Variants in FAM167A observed in about 807,000 individuals in gnomAD.
The protein encoded by FAM167A is protein FAM167A.
A neutral mutation model predicts 14.9 loss-of-function variants in FAM167A; 23 were observed. The ratio of observed to expected loss-of-function variants is 1.55; its 90% CI spans 1.11 to 2.19. The LOEUF (loss-of-function observed/expected upper bound fraction) is 2.19, where lower values mean the gene tolerates loss of function less well. Among genes scored for constraint, FAM167A ranks in the 30% most tolerant of loss-of-function variants. The pLI is 0.00. For synonymous variants in FAM167A, 174 were observed against 117.7 expected (o/e 1.48, Z -3.10); for missense variants, 401 against 281.5 (o/e 1.42, Z -3.04).
intron 2 of FAM167A, among the ~76,000 whole-genome samples, chr8:11,437,181 G>C (rs1253426762): frequency 3.3e-5 from 5 of 152,186 alleles, no homozygotes; most frequent in African/African-American, 1.2e-4. Flanking sequence ...GCAGGGCTTT[G>C]AGGTCGGGCA....
intron 2 of FAM167A, among the ~76,000 whole-genome samples, chr8:11,442,765 T>A (rs1219387964): frequency 6.6e-6 from 1 of 151,452 alleles, no homozygotes; most frequent in African/African-American, 2.4e-5. Context: ...TGCCTCATCT[T>A]CTCCGAAGCC....
rs1287973968 is a variant in FAM167A at position 11,422,364 on chromosome 8, GTGTGT to G, written c.*2004_*2008del. ...ATGGCATGTTCTCTGTCGTGTGTGTGTGTGTGGGGGTGTGTGTGTGTGTGTGTGTG... is the reference window on the plus strand; with the variant it reads ...ATGGCATGTTCTCTGTCGTGTGTGTGGGGGGTGTGTGTGTGTGTGTGTGTG... On this transcript the variant is annotated 3_prime_UTR_variant, in exon 3 of 3. Coordinates refer to ENST00000284486, the MANE Select transcript of FAM167A (RefSeq NM_053279.3). The G allele has an allele frequency of 9.0e-6, 1 of 110,542 alleles. No individual in the cohort carries two copies. Among genetic ancestry groups the G allele is most frequent in the East Asian group, 2.0e-4 (1 of 5,054 alleles). The allele number at this position is 110,542 out of a possible 1,614,324, so 6.8% of individuals were successfully genotyped here. A position where few individuals can be genotyped will look rare whatever the true frequency, so the allele number is the denominator to read the frequency against.
rs373163425 is a variant in FAM167A at position 11,422,240 on chromosome 8, G to A, written c.*2133C>T. On this transcript the variant is annotated 3_prime_UTR_variant, in exon 3 of 3. Coordinates refer to ENST00000284486, the MANE Select transcript of FAM167A (RefSeq NM_053279.3). ...CATTTTCGCTGAACCCAATGGTTTC[G>A]GTTACTGTAATGACTGATTTCCAAA... 6.1e-5 allele frequency: 10 copies of A among 162,692 alleles called. No homozygotes were observed. Among genetic ancestry groups the A allele is most frequent in the African/African-American group, 7.2e-5 (3 of 41,852 alleles). 10.1% of individuals were successfully genotyped at this position (162,692 alleles called of 1,614,324 possible).
chr8:11,454,241 G>C (rs114927353), intron 1 of FAM167A, among the ~76,000 whole-genome samples: 1 of 152,214 alleles, frequency 6.6e-6, no homozygotes, highest in African/African-American at 2.4e-5. Context: ...GGAGGCCCAC[G>C]TGTGTGTGCA....
Position 11,452,079 on chromosome 8 carries a change from C to T in FAM167A, c.-397-7271G>A, listed in dbSNP as rs150465254. Among the ~76,000 whole-genome samples, 24 of 152,306 alleles carry T rather than the reference C, an allele frequency of 1.6e-4. No individual in the cohort carries two copies. The East Asian group carries it at 1.7e-3, about 11-fold the overall frequency. On this transcript the variant is annotated intron_variant, in intron 1 of 2. Coordinates refer to ENST00000284486, the MANE Select transcript of FAM167A (RefSeq NM_053279.3). Reference sequence around the variant, plus strand: ...AAAGGCTCCCTCTGCCACCATTCCACGTGTCCCTTGGTGGTGGGGGGCAGG... The same window carrying T: ...AAAGGCTCCCTCTGCCACCATTCCATGTGTCCCTTGGTGGTGGGGGGCAGG...
At chr8:11,464,435 A>G (rs1212236115) in intron 1 of FAM167A, among the ~76,000 whole-genome samples, 1 of 151,718 alleles carries the variant, frequency 6.6e-6, no homozygotes, top group Non-Finnish European at 1.5e-5. Context: ...ACCCTGTCCC[A>G]TCCTTCCTGC....
At chr8:11,466,921 C>T (rs999808821), upstream of FAM167A, among the ~76,000 whole-genome samples, 1 of 152,222 alleles carries the variant, frequency 6.6e-6, no homozygotes, top group Non-Finnish European at 1.5e-5. Flanking sequence ...GTCGGTTCAC[C>T]GGCCCGGGCA....
chr8:11,462,443 G>A (rs1387741668), intron 1 of FAM167A, among the ~76,000 whole-genome samples: 3 of 152,118 alleles, frequency 2.0e-5, no homozygotes, highest in Non-Finnish European at 4.4e-5. Flanking sequence ...CCTCTAATAC[G>A]ACTGTCACCT....
chr8:11,437,303 G>T (rs1806090045), intron 2 of FAM167A, among the ~76,000 whole-genome samples: 1 of 152,180 alleles, frequency 6.6e-6, no homozygotes, highest in African/African-American at 2.4e-5. Context: ...AAAGATTGCT[G>T]TGGCTACTGA....
intron 2 of FAM167A, among the ~76,000 whole-genome samples, chr8:11,430,148 C>A (rs933697170): frequency 6.6e-6 from 1 of 152,204 alleles, no homozygotes; most frequent in Non-Finnish European, 1.5e-5. Flanking sequence ...CCGCTCCCAG[C>A]GTGGCCTGGT....
chr8:11,473,330 G>T (rs567265525), intron 1 of FAM167A, among the ~76,000 whole-genome samples: 13 of 152,312 alleles, frequency 8.5e-5, no homozygotes, highest in African/African-American at 3.1e-4. Context: ...CTGTCATCAG[G>T]AAGGCCGAGA....
chr8:11,449,689 G>C (rs921842778), intron 1 of FAM167A, among the ~76,000 whole-genome samples: 1 of 152,222 alleles, frequency 6.6e-6, no homozygotes, highest in African/African-American at 2.4e-5. Context: ...AAGCCCTTGG[G>C]GGGGCGCGTC....
At chr8:11,424,945 GGAGTAA>G (rs1287606122) in intron 2 of FAM167A, among the ~76,000 whole-genome samples, 3 of 152,162 alleles carry the variant, frequency 2.0e-5, no homozygotes, top group Non-Finnish European at 2.9e-5. Context: ...TCATTTAGAT[GGAGTAA>G]GAGTATAAAG....
At chr8:11,439,609 G>A (rs1806303846) in intron 2 of FAM167A, among the ~76,000 whole-genome samples, 1 of 152,196 alleles carries the variant, frequency 6.6e-6, no homozygotes, top group African/African-American at 2.4e-5. Context: ...TTGGTGCGGG[G>A]GGAGGGAGGA....
In FAM167A at chr8:11,444,471, G is replaced by A; in HGVS notation, c.-60C>T. 1.3e-6 allele frequency: 2 copies of A among 1,503,912 alleles called. No individual in the cohort carries two copies. Among genetic ancestry groups the A allele is most frequent in the Non-Finnish European group, 1.8e-6 (2 of 1,129,804 alleles). 93.2% of individuals were successfully genotyped at this position (1,503,912 alleles called of 1,614,324 possible). A position where few individuals can be genotyped will look rare whatever the true frequency, so the allele number is the denominator to read the frequency against. On this transcript the variant is annotated 5_prime_UTR_variant, in exon 2 of 3. Transcript: ENST00000284486. ...GCACGGGGGGCGCAGGGGGAGGCTTGGTGGGTGGCACAGTTGGGTCCCGCT... is the reference window on the plus strand; with the variant it reads ...GCACGGGGGGCGCAGGGGGAGGCTTAGTGGGTGGCACAGTTGGGTCCCGCT...
At chr8:11,425,967 A>C (rs970835057) in intron 2 of FAM167A, among the ~76,000 whole-genome samples, 8 of 152,286 alleles carry the variant, frequency 5.3e-5, no homozygotes, top group African/African-American at 1.9e-4. Flanking sequence ...TCCAAGATCT[A>C]GGAGAGATTA....
chr8:11,452,383 C>T (rs552298478), intron 1 of FAM167A, among the ~76,000 whole-genome samples: 3 of 152,238 alleles, frequency 2.0e-5, no homozygotes, highest in Admixed American at 1.3e-4. Flanking sequence ...AGCCGGACAT[C>T]AGGGCAAACA....
At chr8:11,463,335 A>G (rs935421984) in intron 1 of FAM167A, among the ~76,000 whole-genome samples, 2 of 152,266 alleles carry the variant, frequency 1.3e-5, no homozygotes, top group African/African-American at 4.8e-5. Flanking sequence ...TCACAAGACT[A>G]GGGAGGTAGT....
intron 2 of FAM167A, among the ~76,000 whole-genome samples, chr8:11,439,906 C>A (rs901043403): frequency 6.6e-6 from 1 of 152,174 alleles, no homozygotes. Flanking sequence ...AGGGAGTTGG[C>A]TGATGGACCA....
Sources: allele counts gnomAD v4.1 joint callset (sites outside exome capture counted in the v4.1 genomes callset), GRCh38; gene constraint gnomAD v4.1.1; transcripts MANE v1.5; gene names NCBI Gene and HGNC (gene_info 2026-07-23, HGNC 2026-07-21).